Variants in PCDH10 observed in about 807,000 individuals in gnomAD.
PCDH10 encodes the protein protocadherin-10.
Under a neutral mutation model 74.4 loss-of-function variants are expected in PCDH10, and 15 were observed. That is an observed-to-expected ratio of 0.20 (90% CI 0.13 to 0.31). PCDH10 has a LOEUF of 0.31. Ranked by LOEUF, PCDH10 falls within the 10% of genes least tolerant of loss-of-function variation. The pLI, the probability that PCDH10 is intolerant of heterozygous loss-of-function variation, is 1.00. For synonymous variants in PCDH10, 619 were observed against 589.8 expected (o/e 1.05, Z -0.72); for missense variants, 1,260 against 1,390.2 (o/e 0.91, Z 1.49).
rs772015211 is a variant in PCDH10, at chr4:133,149,521, A to C, written c.-620A>C. ...TAGAGCGAAAGAGGAAAAAAATGTC[A>C]AGAAGAACATCCATCCGGAGAAATG... is the stretch of plus-strand genomic sequence containing the variant. On this transcript the variant is annotated 5_prime_UTR_variant, in exon 1 of 5. Transcript: ENST00000264360. 6.6e-6 allele frequency: 1 copy of C among 152,408 alleles called. No homozygotes were observed. The highest frequency in any genetic ancestry group is 1.5e-5 in the Non-Finnish European group (1 of 68,206). 9.4% of individuals were successfully genotyped at this position (152,408 alleles called of 1,614,324 possible).
downstream of PCDH10, among the ~76,000 whole-genome samples, chr4:133,198,951 C>T (rs951170838): frequency 1.6e-4 from 24 of 151,880 alleles, no homozygotes; most frequent in Non-Finnish European, 2.9e-4. Context: ...AAAATAAATG[C>T]TACGAATAAC....
intron 4 of PCDH10, among the ~76,000 whole-genome samples, chr4:133,173,948 T>C (rs1727245252): frequency 6.6e-6 from 1 of 151,974 alleles, no homozygotes; most frequent in South Asian, 2.1e-4. Flanking sequence ...TAAAACTTCA[T>C]ATTGTATGTA....
chr4:133,159,260 C>T (rs1042047817), intron 3 of PCDH10, among the ~76,000 whole-genome samples: 1 of 152,014 alleles, frequency 6.6e-6, no homozygotes, highest in African/African-American at 2.4e-5. Flanking sequence ...ACAATTTGGT[C>T]TCAATGGAAA....
intron 2 of PCDH10, among the ~76,000 whole-genome samples, chr4:133,207,811 T>C (rs1186592833): frequency 6.6e-6 from 1 of 152,134 alleles, no homozygotes; most frequent in Non-Finnish European, 1.5e-5. Flanking sequence ...TATAAAAAAG[T>C]ACCTAAAGCA....
At chr4:133,180,164 C>T (rs907069861) in intron 4 of PCDH10, among the ~76,000 whole-genome samples, 2 of 151,990 alleles carry the variant, frequency 1.3e-5, no homozygotes, top group Non-Finnish European at 2.9e-5. Flanking sequence ...TCACTCCCTG[C>T]TAATTTCACT....
chr4:133,154,566 A>G (rs1726822721), intron 2 of PCDH10, among the ~76,000 whole-genome samples: 1 of 152,214 alleles, frequency 6.6e-6, no homozygotes, highest in African/African-American at 2.4e-5. Flanking sequence ...CAACGCTTAA[A>G]CTATATTTGA....
chr4:133,187,103 A>G (rs1202150496), intron 4 of PCDH10, among the ~76,000 whole-genome samples: 1 of 152,152 alleles, frequency 6.6e-6, no homozygotes. Context: ...GTAATAGTAT[A>G]AACTATTTCT....
At chr4:133,168,245 G>T (rs1727127707) in intron 4 of PCDH10, among the ~76,000 whole-genome samples, 1 of 151,192 alleles carries the variant, frequency 6.6e-6, no homozygotes, top group Admixed American at 6.6e-5. Context: ...GTGCAGATAT[G>T]AAACACAGCA....
intron 2 of PCDH10, among the ~76,000 whole-genome samples, chr4:133,203,934 TG>T (rs911736469): frequency 6.6e-6 from 1 of 152,176 alleles, no homozygotes; most frequent in Admixed American, 6.5e-5. Context: ...TTTTGCATGC[TG>T]GTAAACAGCA....
chr4:133,182,016 GT>G (rs1349385446), intron 4 of PCDH10, among the ~76,000 whole-genome samples: 1 of 151,934 alleles, frequency 6.6e-6, no homozygotes, highest in East Asian at 1.9e-4. Flanking sequence ...GTGGCTATAT[GT>G]TTTTTAATGA....
At position 133,150,937 on chromosome 4, in the gene PCDH10, G is replaced by C. The variant is rs376487876; in HGVS notation, c.797G>C (p.Gly266Ala). 25 of 1,613,888 alleles carry C rather than the reference G, an allele frequency of 1.5e-5. No homozygotes were observed. Among genetic ancestry groups the C allele is most frequent in the Non-Finnish European group, 2.1e-5 (25 of 1,180,048 alleles). ...TVSLPENSPPGTLVIQLNATD... is the reference protein window; with the variant it reads ...TVSLPENSPPATLVIQLNATD... ...TCCCTACCAGAGAACTCTCCCCCAG[G>C]CACTCTCGTGATCCAGCTCAACGCC... Residue 266 changes from glycine to alanine, a missense_variant, in exon 1 of 5, where the codon GGC becomes GCC. Transcript: ENST00000264360.
chr4:133,172,037 A>G (rs1449738254), intron 4 of PCDH10, among the ~76,000 whole-genome samples: 1 of 152,040 alleles, frequency 6.6e-6, no homozygotes, highest in Admixed American at 6.6e-5. Flanking sequence ...TTTTTAAATG[A>G]TGAATACTTT....
chr4:133,150,081 G>C lies in PCDH10; in HGVS notation c.-60G>C, dbSNP rs1726621792. On this transcript the variant is annotated 5_prime_UTR_variant, in exon 1 of 5. Transcript: ENST00000264360. The stretch of plus-strand genomic sequence containing the variant: ...TCAGATTTTTTTTTGTTTCGTGGTG[G>C]TGGGGGAGGTGATTGGGTGGCTGAC... The C allele has an allele frequency of 1.4e-6, 2 of 1,455,252 alleles. No homozygotes were observed. The highest frequency in any genetic ancestry group is 3.2e-5 in the South Asian group (2 of 61,902). 90.1% of individuals were successfully genotyped at this position (1,455,252 alleles called of 1,614,324 possible).
chr4:133,161,163 C>A (rs1016580487), intron 3 of PCDH10, among the ~76,000 whole-genome samples: 4 of 152,132 alleles, frequency 2.6e-5, no homozygotes, highest in African/African-American at 9.7e-5. Flanking sequence ...GCTGACGTTT[C>A]CGTTCCTCAA....
rs1251194016 is a variant in PCDH10 at position 133,152,335 on chromosome 4, C to T, written c.2195C>T (p.Ala732Val). ...LGSVSFIFLL[A>V]MIVLAVRCQK... Reference sequence around the variant, plus strand: ...TCGGTGTCCTTCATCTTCCTGCTGGCCATGATCGTGCTGGCCGTGCGTTGC... The same window carrying T: ...TCGGTGTCCTTCATCTTCCTGCTGGTCATGATCGTGCTGGCCGTGCGTTGC... Residue 732 changes from alanine to valine, a missense_variant, in exon 1 of 5, where the codon GCC becomes GTC. Around this residue, in one of 11 missense-constraint regions of PCDH10, gnomAD observed 587 missense variants for 616.9 expected, o/e 0.95. Transcript: ENST00000264360. The T allele has an allele frequency of 5.0e-6, 8 of 1,614,078 alleles. No homozygotes were observed. Among genetic ancestry groups the T allele is most frequent in the Non-Finnish European group, 5.9e-6 (7 of 1,180,050 alleles).
intron 4 of PCDH10, among the ~76,000 whole-genome samples, chr4:133,185,258 CA>C (rs1265659568): frequency 1.3e-5 from 2 of 149,328 alleles, no homozygotes; most frequent in Non-Finnish European, 3.0e-5. Context: ...ATTTAAAATC[CA>C]AACAATATAC....
chr4:133,164,562 C>T (rs945905500), intron 4 of PCDH10, among the ~76,000 whole-genome samples: 1 of 151,750 alleles, frequency 6.6e-6, no homozygotes, highest in Non-Finnish European at 1.5e-5. Context: ...CAAATATTTG[C>T]TTTTACCATA....
chr4:133,192,832 A>AT lies in PCDH10; in HGVS notation c.*2673dup, dbSNP rs1305273509. On this transcript the variant is annotated 3_prime_UTR_variant, in exon 5 of 5. Transcript: ENST00000264360. Reference sequence around the variant, plus strand: ...TTCTTCCAATGAGGGGGACTATAAAATGGAAAGTGCAACCAACAAATAATG... The same window carrying AT: ...TTCTTCCAATGAGGGGGACTATAAAATTGGAAAGTGCAACCAACAAATAATG... 6.6e-6 allele frequency: 1 copy of AT among 151,612 alleles called. No individual in the cohort carries two copies. The highest frequency in any genetic ancestry group is 1.5e-5 in the Non-Finnish European group (1 of 67,626). 9.4% of individuals were successfully genotyped at this position (151,612 alleles called of 1,614,324 possible).
intron 2 of PCDH10, among the ~76,000 whole-genome samples, chr4:133,200,780 T>C (rs1727893336): frequency 6.6e-6 from 1 of 152,212 alleles, no homozygotes; most frequent in Admixed American, 6.5e-5. Flanking sequence ...CTCTGAGTTC[T>C]CCACCTGTGC....
Sources: gnomAD v4.1 joint callset for allele counts (sites outside exome capture counted in the v4.1 genomes callset) on GRCh38, gnomAD v4.1.1 for gene constraint, gnomAD v4.1.1 regional missense constraint, MANE v1.5 for transcripts, NCBI Gene and HGNC (gene_info 2026-07-23, HGNC 2026-07-21) for gene names.